ARPC5L: variants seen among roughly 807,000 people sequenced by gnomAD.
The protein encoded by ARPC5L is actin related protein 2/3 complex subunit 5 like.
In ARPC5L, 4 loss-of-function variants were observed where a neutral mutation model predicts 16.9. That is an observed-to-expected ratio of 0.24 (90% CI 0.12 to 0.54). The LOEUF (loss-of-function observed/expected upper bound fraction) is 0.54, where lower values mean the gene tolerates loss of function less well. Among genes scored for constraint, ARPC5L ranks in the 20% least tolerant of loss-of-function variants. The pLI is 0.95. For missense variants in ARPC5L, 151 were observed against 201.9 expected, an observed-to-expected ratio of 0.75 and a Z score of 1.53; for synonymous variants, 78 against 82.6, an observed-to-expected ratio of 0.94 and a Z score of 0.30.
intron 2 of ARPC5L, among the ~76,000 whole-genome samples, chr9:124,866,903 C>T (rs1402891253): frequency 6.6e-6 from 1 of 152,146 alleles, no homozygotes; most frequent in Non-Finnish European, 1.5e-5. Context: ...TCAAACAATT[C>T]AGACTTCTGA....
At chr9:124,865,849 G>C (rs557178902) in intron 2 of ARPC5L, among the ~76,000 whole-genome samples, 68 of 152,062 alleles carry the variant, frequency 4.5e-4, no homozygotes, top group African/African-American at 1.6e-3. Context: ...GCTCACACCT[G>C]TAATCCCAGC....
rs1235912063 is a variant in ARPC5L, at chr9:124,877,666, A to T, written c.*726A>T. On this transcript the variant is annotated 3_prime_UTR_variant, in exon 6 of 6. Coordinates refer to ENST00000353214, the MANE Select transcript of ARPC5L (RefSeq NM_030978.3). ...CTATTTATTGTTTCTTATTCCTTTG[A>T]TTTGTATGTAATTAATTTTGGAGCT... 1 of 152,104 alleles carries T rather than the reference A, an allele frequency of 6.6e-6. No individual in the cohort carries two copies. Among genetic ancestry groups the T allele is most frequent in the Non-Finnish European group, 1.5e-5 (1 of 68,028 alleles). 9.4% of individuals were successfully genotyped at this position (152,104 alleles called of 1,614,324 possible).
intron 2 of ARPC5L, among the ~76,000 whole-genome samples, chr9:124,864,747 G>A (rs1043805868): frequency 2.0e-5 from 3 of 151,318 alleles, no homozygotes; most frequent in Admixed American, 6.6e-5. Flanking sequence ...CAAGAGATCC[G>A]CCTGCCTCAG....
intron 1 of ARPC5L, among the ~76,000 whole-genome samples, 157 bp downstream of exon 1, chr9:124,862,555 G>C (rs568508298): frequency 1.3e-3 from 188 of 148,132 alleles, no homozygotes; most frequent in African/African-American, 4.3e-3. Flanking sequence ...TGTCGCCCAG[G>C]GTGCCAGGCT....
At chr9:124,873,597 A>C in intron 3 of ARPC5L, 95 bp from the exon 4 acceptor site, 1 of 1,416,270 alleles carries the variant, frequency 7.1e-7, no homozygotes. Flanking sequence ...ATGAGATCCC[A>C]TCTGACTCTG....
intron 5 of ARPC5L, among the ~76,000 whole-genome samples, chr9:124,875,953 C>T (rs1406893379): frequency 2.6e-5 from 4 of 152,130 alleles, no homozygotes; most frequent in Admixed American, 6.5e-5. Flanking sequence ...TGCTGCACCT[C>T]CTTGGCCTCC....
At chr9:124,869,769 C>T (rs1829329380) in intron 3 of ARPC5L, among the ~76,000 whole-genome samples, 2 of 152,240 alleles carry the variant, frequency 1.3e-5, no homozygotes, top group Admixed American at 1.3e-4. Context: ...CTGTCCCTTC[C>T]TTGGGGCCCC....
Position 124,876,994 on chromosome 9 carries a change from G to A in ARPC5L, c.*54G>A. ...AGAAGAATTCTGGATGCCCAGGCTG[G>A]TGAAGAAGGGATTGACAATGGACCA... On this transcript the variant is annotated 3_prime_UTR_variant, in exon 6 of 6. Coordinates refer to ENST00000353214, the MANE Select transcript of ARPC5L (RefSeq NM_030978.3). The A allele has an allele frequency of 6.9e-7, 1 of 1,455,016 alleles. No individual in the cohort carries two copies. Among genetic ancestry groups the A allele is most frequent in the Non-Finnish European group, 9.5e-7 (1 of 1,056,062 alleles). 90.1% of individuals were successfully genotyped at this position (1,455,016 alleles called of 1,614,324 possible).
At chr9:124,873,305 C>T (rs7042289) in intron 3 of ARPC5L, 19 of 209,528 alleles carry the variant, frequency 9.1e-5, no homozygotes, top group African/African-American at 4.1e-4. Flanking sequence ...CTACATTTTC[C>T]GCTTTTTTAG....
rs1166081309 is a variant in ARPC5L, at chr9:124,877,643, A to G, written c.*703A>G. 2 of 152,222 alleles carry G rather than the reference A, an allele frequency of 1.3e-5. No individual in the cohort carries two copies. Among genetic ancestry groups the G allele is most frequent in the African/African-American group, 4.8e-5 (2 of 41,462 alleles). 9.4% of individuals were successfully genotyped at this position (152,222 alleles called of 1,614,324 possible). ...CAGAGAGGTGTTTGCTGAATAAACT[A>G]TTTATTGTTTCTTATTCCTTTGATT... On this transcript the variant is annotated 3_prime_UTR_variant, in exon 6 of 6. Coordinates refer to ENST00000353214, the MANE Select transcript of ARPC5L (RefSeq NM_030978.3).
intron 1 of ARPC5L, among the ~76,000 whole-genome samples, chr9:124,863,241 A>G (rs1305303358): frequency 6.6e-6 from 1 of 150,888 alleles, no homozygotes; most frequent in East Asian, 1.9e-4. Context: ...TGCAACCTCC[A>G]CCTCCCGGGT....
At chr9:124,864,798 A>G (rs539045842) in intron 2 of ARPC5L, among the ~76,000 whole-genome samples, 1 of 149,164 alleles carries the variant, frequency 6.7e-6, no homozygotes, top group African/African-American at 2.5e-5. Flanking sequence ...GCCACGGCGC[A>G]GTGCGCCTGG....
rs140364083 is a variant in ARPC5L, at chr9:124,876,434, C to T, written c.400-444C>T. ...CTGGGGAGGCAGGGTTGCAGTGAGC[C>T]GAGATCGTGCCATTGCACTCCAGCC... On this transcript the variant is annotated intron_variant, in intron 5 of 5. Transcript: ENST00000353214. 6.8e-3 allele frequency among the ~76,000 whole-genome samples: 1,029 copies of T among 152,196 alleles called. 8 individuals are homozygous for T. Among genetic ancestry groups the T allele is most frequent in the African/African-American group, 0.024 (976 of 41,532 alleles).
rs368771595 is a variant in ARPC5L, at chr9:124,869,548, G to GC, written c.149+114dup. The GC allele has an allele frequency of 2.2e-6, 3 of 1,381,190 alleles. No homozygotes were observed. The African/African-American group carries it at 4.6e-5, about 21-fold the overall frequency. The allele number at this position is 1,381,190 out of a possible 1,614,324, so 85.6% of individuals were successfully genotyped here. A position where few individuals can be genotyped will look rare whatever the true frequency, so the allele number is the denominator to read the frequency against. On this transcript the variant is annotated intron_variant, in intron 3 of 5. Transcript: ENST00000353214. ...GGGCCTCCCCTGTCTCCGACCCTTG[G>GC]CCCCCTCAGGTCAGCCTCCAGCTCC...
chr9:124,874,316 C>T (rs892825759), intron 4 of ARPC5L, among the ~76,000 whole-genome samples: 5 of 152,150 alleles, frequency 3.3e-5, no homozygotes, highest in Non-Finnish European at 7.4e-5. Context: ...ACAAGAGGGA[C>T]GCTGCAGCCG....
intron 2 of ARPC5L, among the ~76,000 whole-genome samples, chr9:124,865,528 G>A (rs1293019439): frequency 2.6e-5 from 4 of 151,970 alleles, no homozygotes; most frequent in Non-Finnish European, 5.9e-5. Flanking sequence ...GGTGGCTCAC[G>A]TCTGTAATCC....
chr9:124,862,299 A>C lies in ARPC5L; in HGVS notation c.-1083A>C. 2 of 202,126 alleles carry C rather than the reference A, an allele frequency of 9.9e-6. No individual in the cohort carries two copies. Among genetic ancestry groups the C allele is most frequent in the African/African-American group, 2.3e-5 (1 of 43,356 alleles). 12.5% of individuals were successfully genotyped at this position (202,126 alleles called of 1,614,324 possible). A position where few individuals can be genotyped will look rare whatever the true frequency, so the allele number is the denominator to read the frequency against. ...TTCGGGAAACCTTGCAGATCTCCCA[A>C]TCTGGGCAACTCTGAGCTGGGCGCC... On this transcript the variant is annotated 5_prime_UTR_variant, in exon 1 of 6. Transcript: ENST00000353214.
chr9:124,872,322 C>T (rs1181660649), intron 3 of ARPC5L, among the ~76,000 whole-genome samples: 2 of 152,202 alleles, frequency 1.3e-5, no homozygotes, highest in South Asian at 2.1e-4. Flanking sequence ...GGGCTGGGCG[C>T]GGTGGCTCAC....
intron 1 of ARPC5L, among the ~76,000 whole-genome samples, chr9:124,862,810 G>A (rs1009396665): frequency 6.6e-6 from 1 of 151,602 alleles, no homozygotes; most frequent in Non-Finnish European, 1.5e-5. Flanking sequence ...ACAGGCGTGA[G>A]CCACCACGCC....
Sources: allele counts gnomAD v4.1 joint callset (sites outside exome capture counted in the v4.1 genomes callset), GRCh38; gene constraint gnomAD v4.1.1; transcripts MANE v1.5; gene names NCBI Gene and HGNC (gene_info 2026-07-23, HGNC 2026-07-21).